Variants in CDH11 observed in about 807,000 individuals in gnomAD.
CDH11 encodes the protein cadherin-11.
A neutral mutation model predicts 67.8 loss-of-function variants in CDH11; 11 were observed. The ratio of observed to expected loss-of-function variants is 0.16; its 90% confidence interval spans 0.10 to 0.27. CDH11 has a LOEUF of 0.27. Among genes scored for constraint, CDH11 ranks in the 10% least tolerant of loss-of-function variants. CDH11 has a pLI of 1.00. For synonymous variants in CDH11, 419 were observed against 400.0 expected, an observed-to-expected ratio of 1.05 and a Z score of -0.57; for missense variants, 847 against 1,031.2, an observed-to-expected ratio of 0.82 and a Z score of 2.45.
intron 1 of CDH11, among the ~76,000 whole-genome samples, chr16:65,081,472 G>A (rs1176817423): frequency 6.6e-6 from 1 of 152,050 alleles, no homozygotes; most frequent in East Asian, 1.9e-4. Flanking sequence ...GGGAGGCTGA[G>A]GCAGGAGAAT....
At chr16:65,072,461 G>A (rs1019615356) in intron 1 of CDH11, among the ~76,000 whole-genome samples, 1 of 152,204 alleles carries the variant, frequency 6.6e-6, no homozygotes, top group African/African-American at 2.4e-5. Flanking sequence ...CAAAAGGGAG[G>A]ACCTCGAACT....
At chr16:65,055,645 G>T (rs970095184) in intron 1 of CDH11, among the ~76,000 whole-genome samples, 1 of 152,076 alleles carries the variant, frequency 6.6e-6, no homozygotes, top group Non-Finnish European at 1.5e-5. Context: ...AGTATCCTGC[G>T]TTTCACCCAT....
intron 11 of CDH11, among the ~76,000 whole-genome samples, chr16:64,951,358 T>A (rs958980524): frequency 1.3e-5 from 2 of 152,148 alleles, no homozygotes; most frequent in Admixed American, 6.6e-5. Context: ...GTTAAACATG[T>A]CATTCCTCCT....
Position 65,069,594 on chromosome 16 carries a change from C to A in CDH11, c.-297-15666G>T, listed in dbSNP as rs564530299. 1.3e-3 allele frequency among the ~76,000 whole-genome samples: 191 copies of A among 152,200 alleles called. No homozygotes were observed. The South Asian group carries it at 0.021, about 17-fold the overall frequency. On this transcript the variant is annotated intron_variant, in intron 1 of 12. Coordinates refer to ENST00000268603, the MANE Select transcript of CDH11 (RefSeq NM_001797.4). ...TGTACAGCCAGGAAAAACTACTCTGCCCAGAGATGCCCAAAGAACAAGCCA... is the reference window on the plus strand; with the variant it reads ...TGTACAGCCAGGAAAAACTACTCTGACCAGAGATGCCCAAAGAACAAGCCA...
At chr16:65,085,176 G>T (rs2074675076) in intron 1 of CDH11, among the ~76,000 whole-genome samples, 1 of 152,166 alleles carries the variant, frequency 6.6e-6, no homozygotes, top group South Asian at 2.1e-4. Flanking sequence ...CTCCCAAAGT[G>T]CTGGGATTAC....
At chr16:64,954,215 C>T (rs2071441078) in intron 11 of CDH11, among the ~76,000 whole-genome samples, 1 of 152,222 alleles carries the variant, frequency 6.6e-6, no homozygotes, top group South Asian at 2.1e-4. Flanking sequence ...CCCAGCTGAC[C>T]AAACCATTTA....
At chr16:64,991,539 G>C in intron 6 of CDH11, 1 of 473,980 alleles carries the variant, frequency 2.1e-6, no homozygotes, top group Non-Finnish European at 3.8e-6. Context: ...TTGTTTCCAG[G>C]GTTGTAGAAC....
rs1286093662 is a variant in CDH11 at position 64,969,947 on chromosome 16, G to GA, written c.1642+1631dup. On this transcript the variant is annotated intron_variant, in intron 11 of 12. Transcript: ENST00000268603. Reference sequence around the variant, plus strand: ...GCTTTGCAGAATTATCTCTTTCAGAGACTTACAAGTGCACATTCACCAAAG... The same window carrying GA: ...GCTTTGCAGAATTATCTCTTTCAGAGAACTTACAAGTGCACATTCACCAAAG... Among the ~76,000 whole-genome samples the GA allele has an allele frequency of 4.5e-4, 69 of 152,266 alleles. 1 individual carries two copies. Among genetic ancestry groups the GA allele is most frequent in the African/African-American group, 1.6e-3 (68 of 41,562 alleles).
intron 2 of CDH11, among the ~76,000 whole-genome samples, chr16:65,029,748 G>A (rs941752364): frequency 2.0e-5 from 3 of 152,112 alleles, no homozygotes; most frequent in East Asian, 1.9e-4. Flanking sequence ...TCTATTGGGC[G>A]GCTTTGGTTA....
chr16:65,117,947 T>C (rs1183913161), intron 1 of CDH11, among the ~76,000 whole-genome samples: 2 of 152,024 alleles, frequency 1.3e-5, no homozygotes, highest in Non-Finnish European at 2.9e-5. Context: ...TCTAGTAAAC[T>C]CCAAGGTGGG....
intron 2 of CDH11, among the ~76,000 whole-genome samples, chr16:65,021,936 G>C (rs2073435972): frequency 6.6e-6 from 1 of 150,922 alleles, no homozygotes; most frequent in South Asian, 2.1e-4. Flanking sequence ...GTCCATGGAG[G>C]GGTAAAGTTT....
chr16:65,097,991 G>A (rs928048841), intron 1 of CDH11, among the ~76,000 whole-genome samples: 3 of 152,186 alleles, frequency 2.0e-5, no homozygotes, highest in African/African-American at 7.2e-5. Flanking sequence ...GCCTAGGATT[G>A]CTTAGATTAT....
intron 1 of CDH11, among the ~76,000 whole-genome samples, chr16:65,075,064 CA>C (rs2074485392): frequency 6.6e-6 from 1 of 152,152 alleles, no homozygotes; most frequent in Non-Finnish European, 1.5e-5. Flanking sequence ...CAAACATAAG[CA>C]GGCTGAATTC....
rs2074500285 is a variant in CDH11, at chr16:65,075,857, G to T, written c.-297-21929C>A. ...GTTATCTCATCCATAACATATAAATGATTGTGTTTTCTTCTTAGGGCTGTC... is the reference window on the plus strand; with the variant it reads ...GTTATCTCATCCATAACATATAAATTATTGTGTTTTCTTCTTAGGGCTGTC... On this transcript the variant is annotated intron_variant, in intron 1 of 12. Transcript: ENST00000268603. Among the ~76,000 whole-genome samples the T allele has an allele frequency of 2.6e-5, 4 of 152,198 alleles. No homozygotes were observed. In the South Asian group the frequency reaches 8.3e-4, roughly 32 times the overall value.
At chr16:65,092,134 C>G (rs1449038130) in intron 1 of CDH11, among the ~76,000 whole-genome samples, 4 of 152,160 alleles carry the variant, frequency 2.6e-5, no homozygotes, top group Non-Finnish European at 5.9e-5. Flanking sequence ...CAGGGTCTGT[C>G]CTCATCACTT....
intron 2 of CDH11, among the ~76,000 whole-genome samples, chr16:65,007,836 A>T (rs1298502304): frequency 6.6e-6 from 1 of 152,176 alleles, no homozygotes. Flanking sequence ...ATTCACATTT[A>T]TATGTCTGAC....
At chr16:65,008,230 T>C (rs1473737499) in intron 2 of CDH11, among the ~76,000 whole-genome samples, 1 of 152,246 alleles carries the variant, frequency 6.6e-6, no homozygotes. Flanking sequence ...TACTAATGAA[T>C]TTAAGAGTTT....
At chr16:64,993,939 G>C (rs1426399681) in intron 4 of CDH11, among the ~76,000 whole-genome samples, 1 of 152,140 alleles carries the variant, frequency 6.6e-6, no homozygotes, top group Non-Finnish European at 1.5e-5. Context: ...TACTGTATTA[G>C]TGAGAAATTG....
intron 11 of CDH11, 116 bp from the exon 12 acceptor site, chr16:64,951,134 C>T: frequency 9.6e-7 from 1 of 1,037,372 alleles, no homozygotes; most frequent in Non-Finnish European, 1.4e-6. Context: ...CCGCCAGAAT[C>T]GTTCTTACTT....
Sources: gnomAD v4.1 joint callset for allele counts (sites outside exome capture counted in the v4.1 genomes callset) on GRCh38, gnomAD v4.1.1 for gene constraint, MANE v1.5 for transcripts, NCBI Gene and HGNC (gene_info 2026-07-23, HGNC 2026-07-21) for gene names.